The following OR51B5 variants were observed in gnomAD, a reference collection of about 807,000 sequenced individuals.
OR51B5 encodes the protein olfactory receptor family 51 subfamily B member 5, also known as olfactory receptor 51B5.
For missense variants in OR51B5, 456 were observed against 374.6 expected (o/e 1.22, Z -1.79); for synonymous variants, 186 against 144.8 (o/e 1.28, Z -2.04).
chr11:5,362,248 T>G (rs1043504785), intron 1 of OR51B5, among the ~76,000 whole-genome samples: 1 of 151,894 alleles, frequency 6.6e-6, no homozygotes, highest in Non-Finnish European at 1.5e-5. Context: ...GGGATGGGAG[T>G]AGATAAGGAA....
intron 1 of OR51B5, among the ~76,000 whole-genome samples, chr11:5,457,533 G>C (rs1252104314): frequency 6.6e-6 from 1 of 152,162 alleles, no homozygotes; most frequent in Non-Finnish European, 1.5e-5. Flanking sequence ...AGTTATGTGA[G>C]AAATATCCAA....
chr11:5,477,497 T>C (rs554034236), intron 1 of OR51B5, among the ~76,000 whole-genome samples: 18 of 152,154 alleles, frequency 1.2e-4, no homozygotes, highest in Admixed American at 7.2e-4. Flanking sequence ...TTTATATGTA[T>C]TGGGGGAGGA....
At chr11:5,418,058 T>C (rs1411388905) in intron 1 of OR51B5, among the ~76,000 whole-genome samples, 1 of 149,830 alleles carries the variant, frequency 6.7e-6, no homozygotes, top group Non-Finnish European at 1.5e-5. Flanking sequence ...ATATACACCA[T>C]GGAATACTAT....
intron 1 of OR51B5, among the ~76,000 whole-genome samples, chr11:5,460,304 C>A (rs953263679): frequency 2.6e-5 from 4 of 152,166 alleles, no homozygotes; most frequent in African/African-American, 4.8e-5. Flanking sequence ...AGGCATAGTA[C>A]CTTGGTGACA....
At chr11:5,505,206 T>C (rs937019635) in intron 1 of OR51B5, 1 of 894,692 alleles carries the variant, frequency 1.1e-6, no homozygotes, top group Non-Finnish European at 1.5e-6. Flanking sequence ...AGGTTTTCTT[T>C]GGCTCAAATG....
At chr11:5,431,040 C>G (rs565341365) in intron 1 of OR51B5, 127 of 456,640 alleles carry the variant, frequency 2.8e-4, no homozygotes, top group Non-Finnish European at 5.2e-4. Context: ...CACAAGGCAG[C>G]TGGATCAGAT....
intron 1 of OR51B5, among the ~76,000 whole-genome samples, chr11:5,492,416 C>T (rs1851594776): frequency 1.3e-5 from 2 of 152,266 alleles, no homozygotes; most frequent in East Asian, 1.9e-4. Context: ...CAGAGAGACA[C>T]TCAATTTGCT....
chr11:5,350,138 T>C (rs924161609), intron 1 of OR51B5, among the ~76,000 whole-genome samples: 3 of 152,146 alleles, frequency 2.0e-5, no homozygotes, highest in African/African-American at 7.2e-5. Flanking sequence ...AAAAAAATTA[T>C]CCACTCTTTA....
chr11:5,454,376 A>C (rs756730685), intron 1 of OR51B5: 2 of 1,612,696 alleles, frequency 1.2e-6, no homozygotes, highest in Admixed American at 3.3e-5. Context: ...GCGCCAAGAC[A>C]AAGGAAATCC....
intron 1 of OR51B5, among the ~76,000 whole-genome samples, chr11:5,465,620 A>G (rs1377397712): frequency 6.9e-6 from 1 of 144,682 alleles, no homozygotes; most frequent in African/African-American, 2.6e-5. Flanking sequence ...ATATAGATCA[A>G]TGGAACAGAA....
intron 1 of OR51B5, among the ~76,000 whole-genome samples, chr11:5,406,440 G>T (rs1327854926): frequency 6.6e-6 from 1 of 152,094 alleles, no homozygotes; most frequent in Non-Finnish European, 1.5e-5. Context: ...GAATCTCTTG[G>T]TGTCTATGAA....
At chr11:5,470,234 C>G (rs187681262) in intron 1 of OR51B5, among the ~76,000 whole-genome samples, 44 of 152,260 alleles carry the variant, frequency 2.9e-4, no homozygotes, top group Non-Finnish European at 5.4e-4. Context: ...CCGTGTGCAG[C>G]CAAGTGTGAG....
Position 5,422,520 on chromosome 11 carries a change from A to G in OR51B5, n.85-75610T>C, listed in dbSNP as rs145415952. The G allele has an allele frequency of 5.6e-6, 9 of 1,613,862 alleles. No individual in the cohort carries two copies. The highest frequency in any genetic ancestry group is 1.3e-5 in the African/African-American group (1 of 74,846). ...TGTTTTGCTCAGTTTTTCTTCCTTC[A>G]TGGATTCTCCTTTATGGAGTCTTCT... On this transcript the variant is annotated intron_variant and non_coding_transcript_variant, in intron 1 of 4. Coordinates refer to the OR51B5 transcript ENST00000415970.
At chr11:5,429,716 A>G (rs539634380) in intron 1 of OR51B5, among the ~76,000 whole-genome samples, 1 of 152,248 alleles carries the variant, frequency 6.6e-6, no homozygotes, top group Admixed American at 6.5e-5. Flanking sequence ...AAAGCACCAC[A>G]TGCACGGTAA....
intron 1 of OR51B5, among the ~76,000 whole-genome samples, chr11:5,474,432 T>C (rs1029491410): frequency 2.0e-5 from 3 of 152,208 alleles, no homozygotes; most frequent in Admixed American, 2.0e-4. Context: ...GAGAAGACCC[T>C]ACTAGCCTGC....
upstream of OR51B5, among the ~76,000 whole-genome samples, chr11:5,344,274 T>G (rs1367188014): frequency 1.3e-5 from 2 of 152,230 alleles, no homozygotes. Context: ...AAGACATCAC[T>G]TATAATAGTG....
intron 1 of OR51B5, among the ~76,000 whole-genome samples, chr11:5,477,618 G>T (rs975553941): frequency 7.2e-5 from 11 of 152,260 alleles, no homozygotes; most frequent in Non-Finnish European, 1.0e-4. Context: ...ATATCACTAG[G>T]GAGTGCCAGA....
At chr11:5,474,886 T>G (rs1483508886) in intron 1 of OR51B5, among the ~76,000 whole-genome samples, 1 of 152,162 alleles carries the variant, frequency 6.6e-6, no homozygotes, top group Non-Finnish European at 1.5e-5. Context: ...AGAGTAAGTT[T>G]GGGGTGGTAG....
At chr11:5,344,526 G>A (rs1031168950), upstream of OR51B5, among the ~76,000 whole-genome samples, 5 of 152,100 alleles carry the variant, frequency 3.3e-5, no homozygotes, top group Admixed American at 3.3e-4. Context: ...CTTAAACGTG[G>A]TGCTGTCTTT....
Sources: allele counts gnomAD v4.1 joint callset (sites outside exome capture counted in the v4.1 genomes callset), GRCh38; gene constraint gnomAD v4.1.1; transcripts MANE v1.5; gene names NCBI Gene and HGNC (gene_info 2026-07-23, HGNC 2026-07-21).